SNAP91: variants seen among roughly 807,000 people sequenced by gnomAD.
SNAP91 encodes the protein synaptosome associated protein 91.
SNAP91 carries 27 observed loss-of-function variants against 100.3 expected under a neutral mutation model. That is an observed-to-expected ratio of 0.27 (90% CI 0.20 to 0.37). The LOEUF is 0.37. SNAP91 is among the 10% of genes least tolerant of loss of function. The pLI, the probability that SNAP91 is intolerant of heterozygous loss-of-function variation, is 1.00. For missense variants in SNAP91, 986 were observed against 1,123.7 expected, an observed-to-expected ratio of 0.88 and a Z score of 1.75; for synonymous variants, 404 against 398.6, an observed-to-expected ratio of 1.01 and a Z score of -0.16.
At chr6:83,568,918 C>A (rs1029697142) in intron 26 of SNAP91, among the ~76,000 whole-genome samples, 8 of 151,968 alleles carry the variant, frequency 5.3e-5, no homozygotes, top group Non-Finnish European at 1.2e-4. Flanking sequence ...CTTGAGTATT[C>A]CTAGAAAGAG....
intron 2 of SNAP91, among the ~76,000 whole-genome samples, chr6:83,696,174 A>G (rs1382109263): frequency 2.0e-5 from 3 of 152,202 alleles, no homozygotes; most frequent in Non-Finnish European, 4.4e-5. Context: ...AAAAAACAAC[A>G]AAACTACATG....
chr6:83,661,517 G>A lies in SNAP91; in HGVS notation c.437C>T (p.Ala146Val). The A allele has an allele frequency of 1.2e-6, 2 of 1,604,010 alleles. No homozygotes were observed. Among genetic ancestry groups the A allele is most frequent in the African/African-American group, 1.3e-5 (1 of 74,474 alleles). ...FSYRQMAFDFARVKKGADGVM... is the reference protein window; with the variant it reads ...FSYRQMAFDFVRVKKGADGVM... ...AAAAACATACCCTTTCTTCACCCTG[G>A]CAAAATCAAAGGCCATCTGTCTGTA... is the stretch of plus-strand genomic sequence containing the variant. Residue 146 changes from alanine to valine, a missense_variant, in exon 5 of 30, where the codon GCC (alanine) becomes GTC (valine). Coordinates refer to ENST00000369694, the MANE Select transcript of SNAP91 (RefSeq NM_001242792.2).
At chr6:83,626,505 CCATTTGTTTGTGT>C (rs1249616101) in intron 8 of SNAP91, among the ~76,000 whole-genome samples, 1 of 152,062 alleles carries the variant, frequency 6.6e-6, no homozygotes, top group Non-Finnish European at 1.5e-5. Flanking sequence ...AAATGTTTTT[CCATTTGTTTGTGT>C]CATCTCTGAC....
At chr6:83,708,295 C>T in intron 1 of SNAP91, 1 of 213,320 alleles carries the variant, frequency 4.7e-6, no homozygotes, top group South Asian at 9.8e-5. Flanking sequence ...CCCGCGGGTG[C>T]TGGACTAGCC....
intron 28 of SNAP91, among the ~76,000 whole-genome samples, chr6:83,557,727 T>A (rs1220142460): frequency 6.6e-6 from 1 of 151,872 alleles, no homozygotes; most frequent in Admixed American, 6.6e-5. Flanking sequence ...GGGATCTGTT[T>A]CATAGAGAGA....
chr6:83,661,636 T>A, intron 4 of SNAP91, 32 bp from the exon 5 acceptor site: 1 of 1,255,856 alleles, frequency 8.0e-7, no homozygotes, highest in Non-Finnish European at 1.1e-6. Context: ...ATAAAACTAA[T>A]TAATAAAATA....
intron 2 of SNAP91, among the ~76,000 whole-genome samples, chr6:83,700,249 T>C (rs1170774336): frequency 6.6e-6 from 1 of 152,024 alleles, no homozygotes; most frequent in Non-Finnish European, 1.5e-5. Context: ...AAATAGTATA[T>C]ATGCCTTCCA....
chr6:83,612,424 C>T (rs1485237346), intron 11 of SNAP91, among the ~76,000 whole-genome samples: 9 of 152,060 alleles, frequency 5.9e-5, no homozygotes, highest in African/African-American at 2.2e-4. Context: ...AATAAAAATT[C>T]AAGAAAATAG....
At chr6:83,606,434 G>C (rs1156463447) in intron 13 of SNAP91, among the ~76,000 whole-genome samples, 1 of 152,110 alleles carries the variant, frequency 6.6e-6, no homozygotes. Context: ...TCTGTCTGTA[G>C]AATCTCCAAG....
intron 2 of SNAP91, chr6:83,686,220 G>A (rs761711769): frequency 3.7e-4 from 363 of 984,610 alleles, no homozygotes; most frequent in Non-Finnish European, 4.1e-4. Context: ...TTCCTGCACC[G>A]GGCCTGCAAA....
Position 83,641,106 on chromosome 6 carries a change from T to C in SNAP91, c.755A>G (p.Lys252Arg). The change falls in exon 8 of 30, where the codon AAG becomes AGG. Residue 252 changes from lysine (K) to arginine (R), a missense_variant. Lys to Arg is a conservative substitution (Grantham distance 26). This residue lies in a region of SNAP91 where 330 missense variants were observed against 447.5 expected (regional missense o/e 0.74). Coordinates refer to ENST00000369694, the MANE Select transcript of SNAP91 (RefSeq NM_001242792.2). The stretch of plus-strand genomic sequence containing the variant: ...CTTAATATTACTTACCTCTGCAACC[T>C]TGAGAAATTCAGACACTCGTGTCAT... Reference protein sequence around the residue: ...TRMTRVSEFLKVAEQVGIDKG... With the variant: ...TRMTRVSEFLRVAEQVGIDKG... 1.3e-6 allele frequency: 2 copies of C among 1,522,866 alleles called. No individual in the cohort carries two copies. Among genetic ancestry groups the C allele is most frequent in the African/African-American group, 1.4e-5 (1 of 71,004 alleles). 94.3% of individuals were successfully genotyped at this position (1,522,866 alleles called of 1,614,324 possible).
At chr6:83,554,585 T>C (rs1036521136) in intron 29 of SNAP91, among the ~76,000 whole-genome samples, 99 of 152,276 alleles carry the variant, frequency 6.5e-4, no homozygotes, top group African/African-American at 2.3e-3. Context: ...AGCAGGACAT[T>C]CGGTATAGCA....
At chr6:83,643,114 A>G (rs1461178240) in intron 7 of SNAP91, among the ~76,000 whole-genome samples, 1 of 152,068 alleles carries the variant, frequency 6.6e-6, no homozygotes, top group Non-Finnish European at 1.5e-5. Context: ...AGTAGGTTGC[A>G]AAAATTTTCT....
At chr6:83,647,486 A>G (rs544550827) in intron 7 of SNAP91, among the ~76,000 whole-genome samples, 1 of 152,292 alleles carries the variant, frequency 6.6e-6, no homozygotes, top group African/African-American at 2.4e-5. Context: ...GGCAGATTAC[A>G]TTAATTGATT....
chr6:83,614,997 A>T, intron 10 of SNAP91, 135 bp from the exon 11 acceptor site: 1 of 542,250 alleles, frequency 1.8e-6, no homozygotes, highest in Non-Finnish European at 3.1e-6. Context: ...GAGAAATATG[A>T]CAAGCATAAA....
At chr6:83,575,875 C>T in intron 25 of SNAP91, 148 bp downstream of exon 25, 1 of 580,202 alleles carries the variant, frequency 1.7e-6, no homozygotes, top group South Asian at 2.2e-5. Context: ...CAACAAAAAT[C>T]TGGGATGAAA....
At chr6:83,596,714 C>T (rs1485451805) in intron 16 of SNAP91, among the ~76,000 whole-genome samples, 1 of 151,896 alleles carries the variant, frequency 6.6e-6, no homozygotes, top group Non-Finnish European at 1.5e-5. Context: ...CACTTCAAAA[C>T]ATCATGTTGT....
intron 16 of SNAP91, among the ~76,000 whole-genome samples, chr6:83,597,485 T>C (rs1453102137): frequency 1.3e-5 from 2 of 152,256 alleles, no homozygotes; most frequent in Non-Finnish European, 2.9e-5. Flanking sequence ...AGTTAATTTC[T>C]ACATTCTGTC....
chr6:83,595,466 A>C (rs1219941708), intron 16 of SNAP91, among the ~76,000 whole-genome samples: 1 of 152,176 alleles, frequency 6.6e-6, no homozygotes, highest in Non-Finnish European at 1.5e-5. Context: ...GATGCTTCCC[A>C]GTGTGTTTCT....
Sources: gnomAD v4.1 joint callset for allele counts (sites outside exome capture counted in the v4.1 genomes callset) on GRCh38, gnomAD v4.1.1 for gene constraint, gnomAD v4.1.1 regional missense constraint, MANE v1.5 for transcripts, NCBI Gene and HGNC (gene_info 2026-07-23, HGNC 2026-07-21) for gene names.